Variants in TDO2 observed in about 807,000 individuals in gnomAD.
The protein encoded by TDO2 is tryptophan 2,3-dioxygenase.
TDO2 carries 63 observed loss-of-function variants against 61.2 expected under a neutral mutation model. The observed-to-expected ratio is 1.03, with a 90% CI of 0.84 to 1.27. The LOEUF (loss-of-function observed/expected upper bound fraction) is 1.27. TDO2 is among the 50% of genes most tolerant of loss of function. The pLI, the probability that TDO2 is intolerant of heterozygous loss-of-function variation, is 0.00. For synonymous variants in TDO2, 183 were observed against 164.0 expected (o/e 1.12, Z -0.89); for missense variants, 494 against 469.5 (o/e 1.05, Z -0.48).
chr4:155,908,932 C>T lies in TDO2; in HGVS notation c.349C>T (p.Arg117Ter). Reference protein sequence around the residue: ...NMLKVVSRMHRVSVILKLLVQ... With the variant: ...NMLKVVSRMH ...GCTTAAGGTTGTTTCTCGGATGCAC[C>T]GAGTGTCAGTGATCCTGAAACTGCT... The change falls in exon 5 of 12, where the codon CGA becomes TGA. Residue 117 changes from arginine to a stop codon, truncating the protein, a stop_gained. Coordinates refer to ENST00000536354, the MANE Select transcript of TDO2 (RefSeq NM_005651.4). LOFTEE classifies it high-confidence loss of function. 1 of 1,612,738 alleles carries T rather than the reference C, an allele frequency of 6.2e-7. No homozygotes were observed. Among genetic ancestry groups the T allele is most frequent in the Non-Finnish European group, 8.5e-7 (1 of 1,179,472 alleles).
At position 155,905,066 on chromosome 4, in the gene TDO2, G is replaced by T; in HGVS notation, c.142-1G>T. 6.3e-7 allele frequency: 1 copy of T among 1,577,124 alleles called. No individual in the cohort carries two copies. ...ACAGGCTTTTTATTTTTCATTTCAA[G>T]TTGGAAAAAGTTTTGAATGCACAAG... is the stretch of plus-strand genomic sequence containing the variant. On this transcript the variant is annotated splice_acceptor_variant, in intron 2 of 11. Transcript: ENST00000536354. LOFTEE classifies it high-confidence loss of function.
intron 7 of TDO2, among the ~76,000 whole-genome samples, chr4:155,912,039 A>G (rs1742844695): frequency 6.6e-6 from 1 of 152,126 alleles, no homozygotes; most frequent in Non-Finnish European, 1.5e-5. Flanking sequence ...TTGATTGCTC[A>G]TTGCCCTTAT....
At chr4:155,910,434 T>C (rs1742809887) in intron 6 of TDO2, among the ~76,000 whole-genome samples, 1 of 152,156 alleles carries the variant, frequency 6.6e-6, no homozygotes, top group East Asian at 1.9e-4. Flanking sequence ...ATGTAATCAA[T>C]TGTATGCTAA....
chr4:155,905,944 A>G (rs1742710654), intron 3 of TDO2: 1 of 152,180 alleles, frequency 6.6e-6, no homozygotes, highest in South Asian at 2.1e-4. Context: ...AACTGGCTTA[A>G]TGTGTCAGTT....
At chr4:155,904,668 T>A (rs1742685364) in intron 2 of TDO2, among the ~76,000 whole-genome samples, 1 of 152,176 alleles carries the variant, frequency 6.6e-6, no homozygotes, top group Non-Finnish European at 1.5e-5. Flanking sequence ...GATGTCTTCA[T>A]CGGTGAGTTT....
At chr4:155,910,733 T>C (rs970659300) in intron 6 of TDO2, among the ~76,000 whole-genome samples, 3 of 152,092 alleles carry the variant, frequency 2.0e-5, no homozygotes, top group African/African-American at 7.2e-5. Flanking sequence ...TAAACAAAGA[T>C]TGTATTGTCT....
chr4:155,915,464 G>A (rs1467990921), intron 8 of TDO2, among the ~76,000 whole-genome samples: 2 of 152,124 alleles, frequency 1.3e-5, no homozygotes, highest in Admixed American at 6.5e-5. Flanking sequence ...CTAATGTCAA[G>A]TGAATTAATG....
chr4:155,907,572 T>C, intron 3 of TDO2, 150 bp from the exon 4 acceptor site: 3 of 576,680 alleles, frequency 5.2e-6, no homozygotes, highest in Non-Finnish European at 9.2e-6. Context: ...CTAACATTTA[T>C]TTCTGGCACA....
intron 8 of TDO2, 117 bp downstream of exon 8, chr4:155,914,551 T>C: frequency 1.4e-6 from 1 of 701,492 alleles, no homozygotes. Flanking sequence ...ATTGATATTC[T>C]ACTGATAGAA....
In TDO2 at chr4:155,918,220, T is replaced by A. The variant is rs1222487712; in HGVS notation, c.1048T>A (p.Tyr350Asn). 7 of 1,614,014 alleles carry A rather than the reference T, an allele frequency of 4.3e-6. No individual in the cohort carries two copies. Among genetic ancestry groups the A allele is most frequent in the Non-Finnish European group, 5.1e-6 (6 of 1,179,962 alleles). Residue 350 changes from tyrosine to asparagine, a missense_variant, in exon 11 of 12, where the codon TAC becomes AAC. Tyr to Asn is a moderately radical substitution (Grantham distance 143, BLOSUM62 -2). Coordinates refer to ENST00000536354, the MANE Select transcript of TDO2 (RefSeq NM_005651.4). The stretch of plus-strand genomic sequence containing the variant: ...CACCGGTGGTTCCTCAGGCTATCAC[T>A]ACCTGCGATCAACTGTGAGGTAGGT... ...AGTGGSSGYHYLRSTVSDRYK... is the reference protein window; with the variant it reads ...AGTGGSSGYHNLRSTVSDRYK...
chr4:155,913,489 T>A (rs1742875196), intron 7 of TDO2, among the ~76,000 whole-genome samples: 1 of 152,128 alleles, frequency 6.6e-6, no homozygotes, highest in South Asian at 2.1e-4. Flanking sequence ...AAACTCCTTA[T>A]TACTTTAAGT....
intron 6 of TDO2, 99 bp downstream of exon 6, chr4:155,910,310 ACATTCAG>A: frequency 2.4e-6 from 2 of 819,452 alleles, no homozygotes; most frequent in Non-Finnish European, 3.7e-6. Flanking sequence ...AAACTGAGTT[ACATTCAG>A]TGGAAATAAG....
chr4:155,916,004 T>A, intron 9 of TDO2, 92 bp downstream of exon 9: 1 of 1,064,728 alleles, frequency 9.4e-7, no homozygotes, highest in Non-Finnish European at 1.4e-6. Flanking sequence ...ACAATCATAG[T>A]TTAATGCAGT....
chr4:155,914,469 A>G, intron 8 of TDO2, 35 bp downstream of exon 8: 2 of 1,428,066 alleles, frequency 1.4e-6, no homozygotes, highest in East Asian at 2.4e-5. Context: ...TTTTCCCTGG[A>G]ATGTGTGAAT....
rs1560778796 is a variant in TDO2 at position 155,915,926 on chromosome 4, GAA to G, written c.896+15_896+16del. 1 of 1,601,054 alleles carries G rather than the reference GAA, an allele frequency of 6.2e-7. No homozygotes were observed. Reference sequence around the variant, plus strand: ...ATATTTTTACAGGTAAAGCAAATCCGAAGAGAGACTGAAGTTAAAATTGAGGG... The same window carrying G: ...ATATTTTTACAGGTAAAGCAAATCCGGAGAGACTGAAGTTAAAATTGAGGG... On this transcript the variant is annotated intron_variant, in intron 9 of 11. Transcript: ENST00000536354.
intron 6 of TDO2, among the ~76,000 whole-genome samples, chr4:155,910,453 A>C (rs927263237): frequency 2.0e-5 from 3 of 152,166 alleles, no homozygotes; most frequent in African/African-American, 7.2e-5. Flanking sequence ...AATATTTAAT[A>C]ACCTTATCAT....
In TDO2 at chr4:155,919,843, G is replaced by A. The variant is rs559132104; in HGVS notation, c.1074G>A (p.Arg358=). 1.2e-5 allele frequency: 20 copies of A among 1,612,264 alleles called. No homozygotes were observed. In the African/African-American group the frequency reaches 2.7e-4, roughly 22 times the overall value. Reference sequence around the variant, plus strand: ...TTCATGTATGTTTTTCCAGTGATAGGTACAAGGTATTTGTAGATTTATTTA... The same window carrying A: ...TTCATGTATGTTTTTCCAGTGATAGATACAAGGTATTTGTAGATTTATTTA... The part of the protein sequence containing the change: ...YHYLRSTVSD[R]YKVFVDLFNL... Residue 358 remains arginine (R), a synonymous_variant, in exon 12 of 12, where the codon AGG becomes AGA. Coordinates refer to ENST00000536354, the MANE Select transcript of TDO2 (RefSeq NM_005651.4).
intron 6 of TDO2, 87 bp downstream of exon 6, chr4:155,910,298 C>A: frequency 2.1e-6 from 2 of 973,228 alleles, no homozygotes; most frequent in South Asian, 1.8e-5. Context: ...AAACGTATAT[C>A]GAAACTGAGT....
chr4:155,918,061 A>G (rs1742974736), intron 10 of TDO2, 88 bp from the exon 11 acceptor site: 1 of 1,279,980 alleles, frequency 7.8e-7, no homozygotes, highest in Non-Finnish European at 1.1e-6. Context: ...TCTCAGAAGC[A>G]ATTATCATTA....
Sources: allele counts gnomAD v4.1 joint callset (sites outside exome capture counted in the v4.1 genomes callset), GRCh38; gene constraint gnomAD v4.1.1; transcripts MANE v1.5; gene names NCBI Gene and HGNC (gene_info 2026-07-23, HGNC 2026-07-21).